MYH15: variants seen among roughly 807,000 people sequenced by gnomAD.
MYH15 encodes the protein myosin heavy chain 15.
MYH15 carries 227 observed loss-of-function variants against 240.5 expected under a neutral mutation model. The observed-to-expected ratio is 0.94, with a 90% CI of 0.85 to 1.05. MYH15 has a LOEUF of 1.05. Among genes scored for constraint, MYH15 ranks in the 50% least tolerant of loss-of-function variants. MYH15 has a pLI of 0.00. For synonymous variants in MYH15, 785 were observed against 796.7 expected (o/e 0.99, Z 0.25); for missense variants, 2,217 against 2,247.5 (o/e 0.99, Z 0.27).
intron 1 of MYH15, among the ~76,000 whole-genome samples, chr3:108,509,294 A>G (rs2083502958): frequency 6.6e-6 from 1 of 152,236 alleles, no homozygotes; most frequent in Admixed American, 6.5e-5. Context: ...TGCTGATTTT[A>G]ATAAATGCAT....
At chr3:108,474,355 T>C (rs1213375456) in intron 12 of MYH15, among the ~76,000 whole-genome samples, 2 of 151,942 alleles carry the variant, frequency 1.3e-5, no homozygotes, top group Admixed American at 6.6e-5. Flanking sequence ...CCTATTATAG[T>C]AAAGGCTGGA....
At chr3:108,444,212 C>T (rs2069190661) in intron 22 of MYH15, among the ~76,000 whole-genome samples, 1 of 151,620 alleles carries the variant, frequency 6.6e-6, no homozygotes, top group African/African-American at 2.4e-5. Context: ...TTGATTTGGA[C>T]CCAGGAAGGG....
At chr3:108,502,005 G>A (rs2083442537) in intron 2 of MYH15, 150 bp from the exon 3 acceptor site, 14 of 793,618 alleles carry the variant, frequency 1.8e-5, no homozygotes, top group Admixed American at 2.4e-5. Flanking sequence ...AGCCTTCATG[G>A]AAAAAAACAG....
intron 9 of MYH15, among the ~76,000 whole-genome samples, chr3:108,489,387 A>T (rs1332202239): frequency 6.6e-6 from 1 of 152,224 alleles, no homozygotes; most frequent in African/African-American, 2.4e-5. Flanking sequence ...AAAGAAAAAA[A>T]GTCAAAAGAA....
At position 108,403,161 on chromosome 3, in the gene MYH15, T is replaced by G. The variant is rs547426644; in HGVS notation, c.4736+2177A>C. ...ACATACATACCAGCTGCTTGTACTT[T>G]TCACCCCCAACAGGCCTCCAGGCTG... is the stretch of plus-strand genomic sequence containing the variant. On this transcript the variant is annotated intron_variant, in intron 33 of 40. Transcript: ENST00000693548. 2.0e-5 allele frequency among the ~76,000 whole-genome samples: 3 copies of G among 152,300 alleles called. No homozygotes were observed. In the East Asian group the frequency reaches 5.8e-4, roughly 29 times the overall value.
chr3:108,499,305 G>T (rs2083418751), intron 5 of MYH15, 150 bp downstream of exon 5: 1 of 797,840 alleles, frequency 1.3e-6, no homozygotes, highest in Non-Finnish European at 2.1e-6. Context: ...ACAATTTCCT[G>T]AGTATCTTTT....
rs2083083740 is a variant in MYH15 at position 108,462,989 on chromosome 3, A to T, written c.1864+122T>A. ...AAGACAGAAAGACTAATAAGAGGGG[A>T]CGACTCAGACCACAGGGAGCAGAAA... On this transcript the variant is annotated intron_variant, in intron 16 of 40. Transcript: ENST00000693548. The T allele has an allele frequency of 9.9e-6, 11 of 1,113,442 alleles. No homozygotes were observed. The South Asian group carries it at 1.8e-4, about 18-fold the overall frequency. The allele number at this position is 1,113,442 out of a possible 1,614,324, so 69.0% of individuals were successfully genotyped here.
chr3:108,549,232 AT>A, the MYH15 span, among the ~76,000 whole-genome samples: 20 of 148,054 alleles, frequency 1.4e-4, no homozygotes, highest in Admixed American at 4.1e-4. Context: ...ATTTGATTAA[AT>A]TTTTTTTTTT....
At chr3:108,526,815 C>G (rs1323597457) in intron 1 of MYH15, among the ~76,000 whole-genome samples, 1 of 152,128 alleles carries the variant, frequency 6.6e-6, no homozygotes, top group African/African-American at 2.4e-5. Flanking sequence ...GAACATGAGT[C>G]TTGCATGTGG....
intron 29 of MYH15, 116 bp from the exon 30 acceptor site, chr3:108,414,544 C>A: frequency 3.5e-6 from 3 of 865,102 alleles, no homozygotes; most frequent in Non-Finnish European, 5.2e-6. Flanking sequence ...CAAATTCAAG[C>A]CGAACCTGAA....
Position 108,499,472 on chromosome 3 carries a change from A to G in MYH15, c.507T>C (p.Asn169=). 1 of 1,613,382 alleles carries G rather than the reference A, an allele frequency of 6.2e-7. No individual in the cohort carries two copies. Among genetic ancestry groups the G allele is most frequent in the Non-Finnish European group, 8.5e-7 (1 of 1,179,688 alleles). The change falls in exon 5 of 41, where the codon AAT becomes AAC. Residue 169 remains asparagine (N), a synonymous_variant. Transcript: ENST00000693548. The part of the protein sequence containing the change: ...AFQDMLHNRE[N]QSILFTGESG... ...ACACTTACGTGAAGAGTATAGACTG[A>G]TTTTCTCGATCTACAAAAGAAAGAA...
intron 18 of MYH15, 56 bp from the exon 19 acceptor site, chr3:108,456,939 A>G: frequency 7.6e-7 from 1 of 1,319,060 alleles, no homozygotes; most frequent in East Asian, 2.3e-5. Context: ...TTATTGGGAC[A>G]GATTTTGAAC....
intron 29 of MYH15, among the ~76,000 whole-genome samples, chr3:108,416,369 C>T (rs2082632580): frequency 6.6e-6 from 1 of 152,204 alleles, no homozygotes; most frequent in African/African-American, 2.4e-5. Context: ...TCCAGAATCA[C>T]TTCCACTGGA....
chr3:108,520,506 G>T (rs2083609810), intron 1 of MYH15, among the ~76,000 whole-genome samples: 2 of 152,116 alleles, frequency 1.3e-5, no homozygotes, highest in African/African-American at 4.8e-5. Flanking sequence ...TTCTAAATTT[G>T]TCTACTGGTT....
At chr3:108,386,325 T>C (rs942796742) in intron 38 of MYH15, among the ~76,000 whole-genome samples, 5 of 152,186 alleles carry the variant, frequency 3.3e-5, no homozygotes, top group South Asian at 2.1e-4. Context: ...CTCTAGGGCA[T>C]TGAGTAACTG....
At chr3:108,468,028 C>T (rs1236489367) in intron 14 of MYH15, among the ~76,000 whole-genome samples, 8 of 151,058 alleles carry the variant, frequency 5.3e-5, no homozygotes, top group South Asian at 2.1e-4. Context: ...TGCAGTGGTG[C>T]GATCTCAGCT....
At chr3:108,501,882 A>G in intron 2 of MYH15, 27 bp from the exon 3 acceptor site, 1 of 1,608,358 alleles carries the variant, frequency 6.2e-7, no homozygotes, top group African/African-American at 1.3e-5. Context: ...AATATATGAT[A>G]TATTCCCCTG....
intron 9 of MYH15, among the ~76,000 whole-genome samples, chr3:108,487,269 T>A (rs1010174768): frequency 3.3e-5 from 5 of 152,186 alleles, no homozygotes; most frequent in African/African-American, 1.2e-4. Context: ...ATTTTTCTAT[T>A]TATTGCTCAA....
chr3:108,410,337 T>C (rs1414949434), intron 31 of MYH15, among the ~76,000 whole-genome samples: 2 of 152,008 alleles, frequency 1.3e-5, no homozygotes, highest in African/African-American at 4.8e-5. Flanking sequence ...TATCAAGAAA[T>C]TTTCAGCACT....
Sources: allele counts gnomAD v4.1 joint callset (sites outside exome capture counted in the v4.1 genomes callset), GRCh38; gene constraint gnomAD v4.1.1; transcripts MANE v1.5; gene names NCBI Gene and HGNC (gene_info 2026-07-23, HGNC 2026-07-21).